Variants in DGKG observed in about 807,000 individuals in gnomAD.
The protein encoded by DGKG is diacylglycerol kinase gamma, also known as DAG kinase gamma.
DGKG carries 78 observed loss-of-function variants against 105.3 expected under a neutral mutation model. The observed-to-expected ratio is 0.74, with a 90% CI of 0.62 to 0.89. The LOEUF is 0.89. DGKG is among the 40% of genes least tolerant of loss of function. DGKG has a pLI of 0.00. For missense variants in DGKG, 958 were observed against 1,020.1 expected (o/e 0.94, Z 0.83); for synonymous variants, 346 against 367.1 (o/e 0.94, Z 0.66).
At chr3:186,299,541 TCC>T (rs1723768556) in intron 3 of DGKG, among the ~76,000 whole-genome samples, 1 of 152,176 alleles carries the variant, frequency 6.6e-6, no homozygotes, top group Admixed American at 6.5e-5. Flanking sequence ...TTAGGGGAAC[TCC>T]AAGCAAATGG....
intron 22 of DGKG, among the ~76,000 whole-genome samples, chr3:186,178,698 C>T (rs1483333719): frequency 6.6e-6 from 1 of 152,190 alleles, no homozygotes; most frequent in Non-Finnish European, 1.5e-5. Flanking sequence ...GAGTCAGAGT[C>T]TTCTTCATTC....
At chr3:186,255,677 A>C (rs1478053264) in intron 17 of DGKG, among the ~76,000 whole-genome samples, 1 of 152,190 alleles carries the variant, frequency 6.6e-6, no homozygotes, top group Non-Finnish European at 1.5e-5. Flanking sequence ...GGCCCTGTAG[A>C]TTACTTCAAG....
intron 21 of DGKG, among the ~76,000 whole-genome samples, chr3:186,190,131 A>G (rs1717834706): frequency 6.6e-6 from 1 of 152,222 alleles, no homozygotes; most frequent in African/African-American, 2.4e-5. Flanking sequence ...AAAGTTCACA[A>G]CTTACAAGTG....
At position 186,320,590 on chromosome 3, in the gene DGKG, A is replaced by G; in HGVS notation, c.-131T>C. The G allele has an allele frequency of 1.3e-6, 2 of 1,506,194 alleles. No homozygotes were observed. The highest frequency in any genetic ancestry group is 4.7e-5 in the East Asian group (2 of 42,270). 93.3% of individuals were successfully genotyped at this position (1,506,194 alleles called of 1,614,324 possible). On this transcript the variant is annotated 5_prime_UTR_variant, in exon 2 of 25. Coordinates refer to ENST00000265022, the MANE Select transcript of DGKG (RefSeq NM_001346.3). ...AGCCTTTCAGGAGACTTCTGGGAGC[A>G]CTCAAGTGTATACAGCAGCAGCAGG... is the stretch of plus-strand genomic sequence containing the variant.
At chr3:186,158,608 GC>G in intron 24 of DGKG, 1 of 916,774 alleles carries the variant, frequency 1.1e-6, no homozygotes. Flanking sequence ...AAATATGAAT[GC>G]CTGAACAAAT....
intron 1 of DGKG, among the ~76,000 whole-genome samples, chr3:186,355,342 AC>A (rs1726884602): frequency 3.5e-5 from 4 of 115,430 alleles, no homozygotes; most frequent in Admixed American, 1.0e-4. Context: ...TATCACCACC[AC>A]CAACAACACT....
intron 20 of DGKG, among the ~76,000 whole-genome samples, chr3:186,229,404 C>G (rs1720023581): frequency 6.6e-6 from 1 of 151,970 alleles, no homozygotes; most frequent in Non-Finnish European, 1.5e-5. Context: ...GCCACCATGC[C>G]CGGCTAATTT....
chr3:186,350,792 C>T (rs952864111), intron 1 of DGKG, among the ~76,000 whole-genome samples: 22 of 152,146 alleles, frequency 1.4e-4, no homozygotes, highest in African/African-American at 5.1e-4. Context: ...TAATAGCTAT[C>T]CTAATGGGTA....
At chr3:186,309,309 C>A (rs1724405247) in intron 2 of DGKG, among the ~76,000 whole-genome samples, 2 of 152,056 alleles carry the variant, frequency 1.3e-5, no homozygotes, top group South Asian at 4.2e-4. Flanking sequence ...AGATGGGCAC[C>A]ATAAAACGTT....
chr3:186,268,941 C>A, intron 11 of DGKG, 24 bp from the exon 12 acceptor site: 8 of 1,563,204 alleles, frequency 5.1e-6, no homozygotes, highest in Non-Finnish European at 7.0e-6. Flanking sequence ...GCGAACGATG[C>A]CAGGGAAAAT....
chr3:186,305,541 T>C (rs1342705102), intron 3 of DGKG, among the ~76,000 whole-genome samples: 1 of 151,976 alleles, frequency 6.6e-6, no homozygotes, highest in East Asian at 1.9e-4. Flanking sequence ...CCATGGGAGA[T>C]TGTGGAGTAG....
chr3:186,294,331 G>C (rs1320421726), intron 5 of DGKG, among the ~76,000 whole-genome samples: 2 of 152,000 alleles, frequency 1.3e-5, no homozygotes, highest in East Asian at 3.9e-4. Context: ...TCTTCTTCTA[G>C]GTTCCTCTTG....
At chr3:186,305,669 G>C (rs1189589170) in intron 3 of DGKG, among the ~76,000 whole-genome samples, 1 of 152,146 alleles carries the variant, frequency 6.6e-6, no homozygotes, top group East Asian at 1.9e-4. Flanking sequence ...GCAATAATCT[G>C]GGCAAAATAT....
intron 22 of DGKG, among the ~76,000 whole-genome samples, chr3:186,185,102 C>T (rs574891090): frequency 3.3e-5 from 5 of 152,306 alleles, no homozygotes; most frequent in East Asian, 1.9e-4. Flanking sequence ...CACACACTAG[C>T]GACAGGCAGA....
chr3:186,318,831 C>A (rs968382089), intron 2 of DGKG, among the ~76,000 whole-genome samples: 1 of 152,214 alleles, frequency 6.6e-6, no homozygotes, highest in Non-Finnish European at 1.5e-5. Flanking sequence ...AATAAACCCA[C>A]GCTGGATTGA....
intron 5 of DGKG, 22 bp downstream of exon 5, chr3:186,297,399 G>A (rs752083478): frequency 6.3e-7 from 1 of 1,592,000 alleles, no homozygotes; most frequent in African/African-American, 1.3e-5. Flanking sequence ...TTTCCCACAA[G>A]TCTTATATTC....
intron 19 of DGKG, among the ~76,000 whole-genome samples, chr3:186,249,987 T>C (rs1387090664): frequency 6.6e-6 from 1 of 152,168 alleles, no homozygotes; most frequent in Non-Finnish European, 1.5e-5. Context: ...AGTGCAGGTA[T>C]CACAGAGTCT....
chr3:186,313,623 C>A, intron 2 of DGKG: 1 of 538,228 alleles, frequency 1.9e-6, no homozygotes, highest in Non-Finnish European at 2.4e-6. Context: ...AAAGCAGATT[C>A]TCAGCAGTAC....
chr3:186,325,901 C>A (rs1725316585), intron 1 of DGKG, among the ~76,000 whole-genome samples: 2 of 152,106 alleles, frequency 1.3e-5, no homozygotes, highest in South Asian at 4.1e-4. Context: ...ATTTTTTCAG[C>A]ACATCCTTAT....
Sources: allele counts gnomAD v4.1 joint callset (sites outside exome capture counted in the v4.1 genomes callset), GRCh38; gene constraint gnomAD v4.1.1; transcripts MANE v1.5; gene names NCBI Gene and HGNC (gene_info 2026-07-23, HGNC 2026-07-21).